USP9X: variants seen among roughly 807,000 people sequenced by gnomAD.
USP9X encodes the protein ubiquitin carboxyl-terminal hydrolase 9X.
USP9X carries 7 observed loss-of-function variants against 190.3 expected under a neutral mutation model. The ratio of observed to expected loss-of-function variants is 0.04; its 90% CI spans 0.02 to 0.07. USP9X has a LOEUF of 0.07. USP9X is among the 10% of genes least tolerant of loss of function. The pLI, the probability that USP9X is intolerant of heterozygous loss-of-function variation, is 1.00. For synonymous variants in USP9X, 645 were observed against 659.5 expected, an observed-to-expected ratio of 0.98 and a Z score of 0.34; for missense variants, 1,010 against 1,916.9, an observed-to-expected ratio of 0.53 and a Z score of 8.83.
In USP9X at chrX:41,224,999, A is replaced by G. The variant is rs113705482; in HGVS notation, c.6972+37A>G. The G allele has an allele frequency of 4.8e-5, 58 of 1,207,630 alleles. No homozygotes were observed. The African/African-American group carries it at 6.5e-4, about 13-fold the overall frequency. On this transcript the variant is annotated intron_variant, in intron 40 of 44. Coordinates refer to ENST00000378308, the MANE Select transcript of USP9X (RefSeq NM_001039591.3). ...ATAACATTTGTATGTTTATAATTTG[A>G]TTTGTTATTCCTTTCATTAAGTTAC... is the stretch of plus-strand genomic sequence containing the variant.
Position 41,147,701 on chromosome X carries a change from C to T in USP9X, c.1420-668C>T, listed in dbSNP as rs984842380. Among the ~76,000 whole-genome samples the T allele has an allele frequency of 5.4e-5, 6 of 111,665 alleles. No homozygotes were observed. The Admixed American group carries it at 5.7e-4, about 11-fold the overall frequency. On this transcript the variant is annotated intron_variant, in intron 11 of 44. Coordinates refer to ENST00000378308, the MANE Select transcript of USP9X (RefSeq NM_001039591.3). The stretch of plus-strand genomic sequence containing the variant: ...CTCCCGACCTCAGGTAATCTACCTG[C>T]CTGGGTCTCCCAAAGTGCTGGGATT...
In USP9X at chrX:41,085,868, CAAG is replaced by C. The variant is rs2055390477; in HGVS notation, c.-399_-397del. 1.0e-5 allele frequency: 3 copies of C among 299,053 alleles called. No individual in the cohort carries two copies. Among genetic ancestry groups the C allele is most frequent in the Admixed American group, 1.2e-4 (2 of 16,594 alleles). 24.6% of individuals were successfully genotyped at this position (299,053 alleles called of 1,213,427 possible). A position where few individuals can be genotyped will look rare whatever the true frequency, so the allele number is the denominator to read the frequency against. ...GAAGGGGAAGAGGGCCGTCGCCGGC[CAAG>C]GAGGAGGAGGAGGCGGGCGCGGCGA... is the stretch of plus-strand genomic sequence containing the variant. On this transcript the variant is annotated 5_prime_UTR_variant, in exon 1 of 45. Coordinates refer to ENST00000378308, the MANE Select transcript of USP9X (RefSeq NM_001039591.3).
rs1467833828 is a variant in USP9X at position 41,235,969 on chromosome X, T to C, written c.*3445T>C. 1 of 111,825 alleles carries C rather than the reference T, an allele frequency of 8.9e-6. No individual in the cohort carries two copies. The highest frequency in any genetic ancestry group is 1.9e-5 in the Non-Finnish European group (1 of 53,107). 9.2% of individuals were successfully genotyped at this position (111,825 alleles called of 1,213,427 possible). A position where few individuals can be genotyped will look rare whatever the true frequency, so the allele number is the denominator to read the frequency against. On this transcript the variant is annotated 3_prime_UTR_variant, in exon 45 of 45. Coordinates refer to ENST00000378308, the MANE Select transcript of USP9X (RefSeq NM_001039591.3). ...TTTTTATTAGTATTTTTCCAGCTTA[T>C]GTTTTCCCATGAGCTATTTTACTTT...
At chrX:41,131,679 A>T (rs773420858) in intron 4 of USP9X, 143 bp downstream of exon 4, 1 of 402,085 alleles carries the variant, frequency 2.5e-6, no homozygotes, top group African/African-American at 2.6e-5. Context: ...TATCCTTTGG[A>T]CATTCTTAAA....
At position 41,170,207 on chromosome X, in the gene USP9X, T is replaced by C; in HGVS notation, c.2849T>C (p.Ile950Thr). The change falls in exon 19 of 45, where the codon ATT becomes ACT. Residue 950 changes from isoleucine (I) to threonine (T), a missense_variant. By Grantham distance (89) the Ile-to-Thr change is moderately conservative. Around this residue, in one of 11 missense-constraint regions of USP9X, gnomAD observed 351 missense variants for 480.8 expected, o/e 0.73. Transcript: ENST00000378308. ...LIDPADDRKL[I>T]GQLNLKDKSL... ...GATCCTGCAGATGATAGAAAGTTGA[T>C]TGGACAATTAAACTTAAAAGATAAA... The C allele has an allele frequency of 2.5e-6, 3 of 1,210,984 alleles. No homozygotes were observed. Among genetic ancestry groups the C allele is most frequent in the Non-Finnish European group, 2.2e-6 (2 of 894,886 alleles).
At chrX:41,139,200 C>G (rs997095734) in intron 6 of USP9X, among the ~76,000 whole-genome samples, 1 of 112,227 alleles carries the variant, frequency 8.9e-6, no homozygotes, top group Admixed American at 9.5e-5. Flanking sequence ...TACTTTCTTA[C>G]AATTGCTGAA....
chrX:41,206,242 A>G (rs1483496160), intron 32 of USP9X, among the ~76,000 whole-genome samples: 2 of 111,898 alleles, frequency 1.8e-5, no homozygotes, highest in Non-Finnish European at 3.8e-5. Context: ...TTCCATCTGT[A>G]AATACTTAAG....
intron 9 of USP9X, 54 bp from the exon 10 acceptor site, chrX:41,143,237 A>G: frequency 1.0e-6 from 1 of 962,827 alleles, no homozygotes; most frequent in Non-Finnish European, 1.4e-6. Flanking sequence ...TGAGCAATTA[A>G]GAAAAAATTG....
intron 14 of USP9X, 147 bp downstream of exon 14, chrX:41,153,228 C>A: frequency 3.8e-6 from 2 of 526,181 alleles, no homozygotes; most frequent in Non-Finnish European, 2.7e-6. Flanking sequence ...TCTAGGCCAG[C>A]AGTTTAAGAG....
intron 7 of USP9X, 78 bp downstream of exon 7, chrX:41,140,849 A>G (rs1256943913): frequency 9.2e-7 from 1 of 1,086,181 alleles, no homozygotes; most frequent in East Asian, 3.2e-5. Flanking sequence ...GAGTTTTTCA[A>G]GTGTGGTTTC....
At chrX:41,151,180 G>C (rs1404989438) in intron 13 of USP9X, 123 bp downstream of exon 13, 2 of 674,191 alleles carry the variant, frequency 3.0e-6, no homozygotes, top group Admixed American at 4.4e-5. Flanking sequence ...GGCTATATAA[G>C]AAGTGTTTGG....
At chrX:41,172,013 A>G in intron 21 of USP9X, 55 bp downstream of exon 21, 2 of 1,182,961 alleles carry the variant, frequency 1.7e-6, no homozygotes, top group South Asian at 1.9e-5. Flanking sequence ...GGAGTATATT[A>G]GCAAATTCTG....
At position 41,216,174 on chromosome X, in the gene USP9X, C is replaced by T. The variant is rs758768072; in HGVS notation, c.5607C>T (p.Leu1869=). The T allele has an allele frequency of 6.6e-6, 8 of 1,209,257 alleles. No homozygotes were observed. The highest frequency in any genetic ancestry group is 3.0e-5 in the East Asian group (1 of 33,779). Residue 1869 remains leucine, a synonymous_variant, in exon 35 of 45, where the codon CTC becomes CTT. Coordinates refer to ENST00000378308, the MANE Select transcript of USP9X (RefSeq NM_001039591.3). ...GSTKYRLVGV[L]VHSGQASGGH... ...CAAAATACAGACTTGTGGGTGTGCT[C>T]GTACACAGTGGTCAAGCGAGTGGGG...
Position 41,233,887 on chromosome X carries a change from C to T in USP9X, c.*1363C>T, listed in dbSNP as rs755749307. On this transcript the variant is annotated 3_prime_UTR_variant, in exon 45 of 45. Coordinates refer to ENST00000378308, the MANE Select transcript of USP9X (RefSeq NM_001039591.3). ...TGGAACCTGTCTAAAAACCAAATAC[C>T]CCTGCAAACAGATACAGCCCACCCT... 6 of 111,094 alleles carry T rather than the reference C, an allele frequency of 5.4e-5. No homozygotes were observed. The highest frequency in any genetic ancestry group is 2.0e-4 in the African/African-American group (6 of 30,542). 9.2% of individuals were successfully genotyped at this position (111,094 alleles called of 1,213,427 possible).
At chrX:41,149,306 T>C (rs181488281) in intron 12 of USP9X, among the ~76,000 whole-genome samples, 5 of 111,991 alleles carry the variant, frequency 4.5e-5, no homozygotes, top group Non-Finnish European at 9.4e-5. Flanking sequence ...GTACATTTGC[T>C]ATCAGGGCTT....
chrX:41,224,692 A>G (rs1269393328), intron 39 of USP9X, 50 bp from the exon 40 acceptor site: 7 of 1,001,868 alleles, frequency 7.0e-6, no homozygotes, highest in Non-Finnish European at 9.7e-6. Context: ...GTGTATTATT[A>G]TTGTGAAGAA....
chrX:41,170,728 T>C (rs2062718196), intron 20 of USP9X, 109 bp downstream of exon 20: 1 of 799,313 alleles, frequency 1.3e-6, no homozygotes, highest in Admixed American at 4.4e-5. Flanking sequence ...TACAGTTTAA[T>C]GAGACAAAAA....
rs746019285 is a variant in USP9X, at chrX:41,158,879, A to G, written c.1898-3911A>G. Among the ~76,000 whole-genome samples, 45 of 112,030 alleles carry G rather than the reference A, an allele frequency of 4.0e-4. 1 individual carries two copies. Among genetic ancestry groups the G allele is most frequent in the Admixed American group, 3.7e-3 (39 of 10,580 alleles). Reference sequence around the variant, plus strand: ...TAGATGCAGAAAAAGCATTTGTCCAATCCAGCCTCTTTTCAATATAGAAAG... The same window carrying G: ...TAGATGCAGAAAAAGCATTTGTCCAGTCCAGCCTCTTTTCAATATAGAAAG... On this transcript the variant is annotated intron_variant, in intron 14 of 44. Coordinates refer to ENST00000378308, the MANE Select transcript of USP9X (RefSeq NM_001039591.3).
At chrX:41,092,564 G>A (rs1043266014) in intron 1 of USP9X, among the ~76,000 whole-genome samples, 7 of 111,594 alleles carry the variant, frequency 6.3e-5, no homozygotes, top group African/African-American at 2.3e-4. Flanking sequence ...GGGCCACATA[G>A]TAAATACTTT....
Sources: gnomAD v4.1 joint callset for allele counts (sites outside exome capture counted in the v4.1 genomes callset) on GRCh38, gnomAD v4.1.1 for gene constraint, gnomAD v4.1.1 regional missense constraint, MANE v1.5 for transcripts, NCBI Gene and HGNC (gene_info 2026-07-23, HGNC 2026-07-21) for gene names.